CFAP92: variants seen among roughly 807,000 people sequenced by gnomAD.
CFAP92 encodes the protein uncharacterized protein CFAP92.
A neutral mutation model predicts 106.3 loss-of-function variants in CFAP92; 86 were observed. That is an observed-to-expected ratio of 0.81 (90% CI 0.68 to 0.97). The LOEUF is 0.97. Ranked by LOEUF, CFAP92 falls within the 50% of genes least tolerant of loss-of-function variation. The pLI, the probability that CFAP92 is intolerant of heterozygous loss-of-function variation, is 0.00. For synonymous variants in CFAP92, 477 were observed against 506.4 expected (o/e 0.94, Z 0.78); for missense variants, 1,204 against 1,283.8 (o/e 0.94, Z 0.95).
intron 10 of CFAP92, among the ~76,000 whole-genome samples, chr3:128,939,510 G>C (rs1939407438): frequency 6.6e-6 from 1 of 152,118 alleles, no homozygotes; most frequent in African/African-American, 2.4e-5. Context: ...TAATTCAATA[G>C]TTTTTCATCT....
rs1354158191 is a variant in CFAP92, at chr3:128,932,818, TC to T, written c.2632del (p.Asp878ThrfsTer11). ...LPPQPAPNLE[D>X]YHSRNSTLTL... ...GAGGGTGGAGTTCCGACTGTGGTAG[TC>T]CTCAAGATTGGGGGCAGGCTGAGGT... is the stretch of plus-strand genomic sequence containing the variant. On this transcript the variant is annotated frameshift_variant, in exon 12 of 16. Transcript: ENST00000645291. LOFTEE classifies it high-confidence loss of function. 1 of 1,536,248 alleles carries T rather than the reference TC, an allele frequency of 6.5e-7. No homozygotes were observed. Among genetic ancestry groups the T allele is most frequent in the South Asian group, 1.2e-5 (1 of 84,058 alleles).
intron 10 of CFAP92, among the ~76,000 whole-genome samples, chr3:128,942,916 CTTTTT>C (rs36073693): frequency 1.2e-5 from 1 of 84,946 alleles, no homozygotes; most frequent in South Asian, 4.2e-4. Flanking sequence ...AAAACTCAAC[CTTTTT>C]TTTTTTTTTT....
chr3:129,013,665 T>A, the CFAP92 span, among the ~76,000 whole-genome samples: 15 of 152,226 alleles, frequency 9.9e-5, no homozygotes, highest in African/African-American at 3.4e-4. Context: ...ACCAGGGAAA[T>A]GGAGCATGCT....
At chr3:128,939,955 C>T (rs754465523) in intron 10 of CFAP92, among the ~76,000 whole-genome samples, 7 of 152,220 alleles carry the variant, frequency 4.6e-5, no homozygotes, top group Non-Finnish European at 8.8e-5. Flanking sequence ...GGCCAGAGAC[C>T]GGTACAGGTC....
upstream of CFAP92, among the ~76,000 whole-genome samples, chr3:128,998,353 T>C (rs1302780994): frequency 6.6e-6 from 1 of 152,198 alleles, no homozygotes; most frequent in Admixed American, 6.5e-5. Context: ...TGGTGTCGTA[T>C]CTAAGAAATC....
intron 12 of CFAP92, 120 bp downstream of exon 12, chr3:128,932,580 A>T (rs1938517415): frequency 1.0e-6 from 1 of 1,000,542 alleles, no homozygotes; most frequent in Non-Finnish European, 1.4e-6. Context: ...CCAGGCCAGG[A>T]GCGCAGGCAC....
intron 10 of CFAP92, among the ~76,000 whole-genome samples, chr3:128,941,886 T>C (rs1363778168): frequency 6.6e-6 from 1 of 152,246 alleles, no homozygotes; most frequent in East Asian, 1.9e-4. Flanking sequence ...AGTATGGTTA[T>C]TAATTTCCCT....
chr3:129,007,272 T>C (rs554392986), upstream of CFAP92, among the ~76,000 whole-genome samples: 1 of 152,350 alleles, frequency 6.6e-6, no homozygotes, highest in African/African-American at 2.4e-5. Flanking sequence ...GAAGCTCAGA[T>C]GTCCGTGACT....
At chr3:129,024,044 C>T in the CFAP92 span, among the ~76,000 whole-genome samples, 1 of 152,192 alleles carries the variant, frequency 6.6e-6, no homozygotes, top group Non-Finnish European at 1.5e-5. Flanking sequence ...CCCTAAATCC[C>T]ATTCATTCAT....
chr3:128,995,401 C>T (rs1217694474), upstream of CFAP92, among the ~76,000 whole-genome samples: 3 of 151,050 alleles, frequency 2.0e-5, no homozygotes, highest in Non-Finnish European at 3.0e-5. Flanking sequence ...AGCACGAGAA[C>T]GGCAACCACC....
chr3:129,020,698 G>C, the CFAP92 span, among the ~76,000 whole-genome samples: 26 of 152,288 alleles, frequency 1.7e-4, no homozygotes, highest in East Asian at 1.7e-3. Context: ...ACTTGGTAAG[G>C]CACGCTTATT....
intron 1 of CFAP92, chr3:129,001,613 GGC>G: frequency 1.5e-6 from 2 of 1,355,228 alleles, no homozygotes; most frequent in Non-Finnish European, 1.9e-6. Context: ...GGAGGAGCGA[GGC>G]GCGCGGCGCA....
In CFAP92 at chr3:128,993,332, C is replaced by T; in HGVS notation, c.-28G>A. ...TGCAGAGCGCACTGCTGGCCGCCGG[C>T]GCTCCTGGCAGGGAGAAAGTGAAGG... On this transcript the variant is annotated 5_prime_UTR_variant, in exon 2 of 16. Coordinates refer to ENST00000645291, the MANE Select transcript of CFAP92 (RefSeq NM_001394090.1). The T allele has an allele frequency of 3.1e-6, 5 of 1,594,162 alleles. No homozygotes were observed. Among genetic ancestry groups the T allele is most frequent in the Non-Finnish European group, 4.3e-6 (5 of 1,169,870 alleles).
At chr3:128,957,482 C>T (rs1466109400) in intron 9 of CFAP92, among the ~76,000 whole-genome samples, 1 of 151,872 alleles carries the variant, frequency 6.6e-6, no homozygotes, top group Non-Finnish European at 1.5e-5. Context: ...AAAATCTATA[C>T]CAAGAGATAT....
At chr3:128,948,081 A>C (rs1445405480) in intron 9 of CFAP92, among the ~76,000 whole-genome samples, 1 of 152,220 alleles carries the variant, frequency 6.6e-6, no homozygotes, top group African/African-American at 2.4e-5. Flanking sequence ...AGATTGGGTT[A>C]AAAATAAAAG....
chr3:128,964,713 C>A (rs1942232289), intron 9 of CFAP92, among the ~76,000 whole-genome samples: 1 of 152,112 alleles, frequency 6.6e-6, no homozygotes, highest in African/African-American at 2.4e-5. Flanking sequence ...ATATCCAGGC[C>A]ATCACCAATC....
intron 12 of CFAP92, among the ~76,000 whole-genome samples, chr3:128,931,789 G>A (rs755417527): frequency 2.3e-4 from 35 of 152,064 alleles, no homozygotes; most frequent in Non-Finnish European, 4.3e-4. Context: ...TTGGGAGGCC[G>A]AGGCAGGAGA....
intron 12 of CFAP92, among the ~76,000 whole-genome samples, chr3:128,931,241 T>G (rs1219243877): frequency 6.6e-6 from 1 of 151,996 alleles, no homozygotes; most frequent in Non-Finnish European, 1.5e-5. Flanking sequence ...GGCTGGAATG[T>G]AATGGCGTGA....
intron 12 of CFAP92, among the ~76,000 whole-genome samples, chr3:128,930,700 G>A (rs1209745861): frequency 1.3e-5 from 2 of 152,008 alleles, no homozygotes; most frequent in South Asian, 2.1e-4. Context: ...GCAGTGAGCC[G>A]AGATCACGCC....
Sources: gnomAD v4.1 joint callset for allele counts (sites outside exome capture counted in the v4.1 genomes callset) on GRCh38, gnomAD v4.1.1 for gene constraint, MANE v1.5 for transcripts, NCBI Gene and HGNC (gene_info 2026-07-23, HGNC 2026-07-21) for gene names.